The following ZBTB40 variants were observed in gnomAD, a reference collection of about 807,000 sequenced individuals.
ZBTB40 encodes zinc finger and BTB domain containing 40.
Under a neutral mutation model 117.5 loss-of-function variants are expected in ZBTB40, and 60 were observed. The observed-to-expected ratio is 0.51, with a 90% CI of 0.41 to 0.63. ZBTB40 has a LOEUF of 0.63. ZBTB40 is among the 30% of genes least tolerant of loss of function. The pLI, the probability that ZBTB40 is intolerant of heterozygous loss-of-function variation, is 0.00. For synonymous variants in ZBTB40, 525 were observed against 577.1 expected, an observed-to-expected ratio of 0.91 and a Z score of 1.29; for missense variants, 1,287 against 1,498.5, an observed-to-expected ratio of 0.86 and a Z score of 2.33.
chr1:22,486,195 G>C (rs1371885402), intron 1 of ZBTB40, among the ~76,000 whole-genome samples: 1 of 152,196 alleles, frequency 6.6e-6, no homozygotes, highest in Non-Finnish European at 1.5e-5. Flanking sequence ...TTAGTGATGT[G>C]GTAGTAGGGT....
At chr1:22,433,451 A>AAAAAAAAAAAAAAAAAAAAAAAAC (rs1640627274) in intron 1 of ZBTB40, among the ~76,000 whole-genome samples, 1 of 99,816 alleles carries the variant, frequency 1.0e-5, no homozygotes, top group Non-Finnish European at 1.9e-5. Flanking sequence ...AAAAAAAAAA[A>AAAAAAAAAAAAAAAAAAAAAAAAC]AAAAAAGACA....
chr1:22,450,190 C>T (rs1163977057), upstream of ZBTB40, among the ~76,000 whole-genome samples: 1 of 152,212 alleles, frequency 6.6e-6, no homozygotes, highest in Non-Finnish European at 1.5e-5. Flanking sequence ...GGTGATCCGC[C>T]TGCCTCGGCC....
Position 22,511,291 on chromosome 1 carries a change from G to A in ZBTB40, c.1946G>A (p.Ser649Asn). The A allele has an allele frequency of 2.5e-6, 4 of 1,614,098 alleles. No individual in the cohort carries two copies. Among genetic ancestry groups the A allele is most frequent in the Non-Finnish European group, 1.7e-6 (2 of 1,180,036 alleles). Reference protein sequence around the residue: ...PAIEICHLLCSVHKSFPGLQP... With the variant: ...PAIEICHLLCNVHKSFPGLQP... ...ATTGAAATATGCCACCTCCTGTGCA[G>A]TGTCCACAAATCTTTTCCAGGCCTG... Residue 649 changes from serine to asparagine, a missense_variant, in exon 10 of 18, where the codon AGT becomes AAT. By Grantham distance (46) the Ser-to-Asn change is conservative. Around this residue, in one of 2 missense-constraint regions of ZBTB40, gnomAD observed 870 missense variants for 934.4 expected, o/e 0.93. Transcript: ENST00000375647.
rs532918051 is a variant in ZBTB40 at position 22,461,532 on chromosome 1, TAGAG to T, written c.-70+9532_-70+9535del. ...CATACTCCCTGGTGATGGAGGGAAA[TAGAG>T]AGATGAAAATAATTCCCACTTCTTC... On this transcript the variant is annotated intron_variant, in intron 1 of 17. Transcript: ENST00000375647. 3.3e-5 allele frequency among the ~76,000 whole-genome samples: 5 copies of T among 152,170 alleles called. No individual in the cohort carries two copies. In the East Asian group the frequency reaches 5.8e-4, roughly 18 times the overall value.
At chr1:22,502,248 T>G (rs749934189) in intron 4 of ZBTB40, 51 bp from the exon 5 acceptor site, 4 of 1,585,664 alleles carry the variant, frequency 2.5e-6, no homozygotes, top group African/African-American at 1.3e-5. Flanking sequence ...GCTGTCATTT[T>G]CTTCAAATTG....
rs1639487811 is a variant in ZBTB40, at chr1:22,520,286, G to A, written c.3048+11G>A. 6.2e-7 allele frequency: 1 copy of A among 1,606,790 alleles called. No individual in the cohort carries two copies. On this transcript the variant is annotated intron_variant, in intron 14 of 17. Transcript: ENST00000375647. ...AACAAGGCCTACCAGGTGACCTCAG[G>A]TGCCACTGGGAGCTCTTCCCCTCAC... is the stretch of plus-strand genomic sequence containing the variant.
At chr1:22,487,449 C>T (rs1638501206) in intron 1 of ZBTB40, among the ~76,000 whole-genome samples, 1 of 152,078 alleles carries the variant, frequency 6.6e-6, no homozygotes, top group African/African-American at 2.4e-5. Flanking sequence ...TCCTCAAACC[C>T]AAAACTGAAC....
chr1:22,500,628 G>A (rs1364043525), intron 3 of ZBTB40, among the ~76,000 whole-genome samples: 1 of 152,188 alleles, frequency 6.6e-6, no homozygotes, highest in African/African-American at 2.4e-5. Context: ...TTGTGATACA[G>A]AGGCACTGCC....
chr1:22,478,505 C>G (rs1448999024), intron 1 of ZBTB40, among the ~76,000 whole-genome samples: 1 of 152,074 alleles, frequency 6.6e-6, no homozygotes, highest in African/African-American at 2.4e-5. Flanking sequence ...CCTCGGCCTC[C>G]CAAAGTGCTG....
At chr1:22,495,754 C>T (rs1403310129) in intron 3 of ZBTB40, among the ~76,000 whole-genome samples, 1 of 152,106 alleles carries the variant, frequency 6.6e-6, no homozygotes, top group East Asian at 1.9e-4. Flanking sequence ...TCAGGTGATC[C>T]ATCCACCCGC....
rs1319047043 is a variant in ZBTB40 at position 22,452,888 on chromosome 1, C to G, written c.-70+884C>G. 3.3e-5 allele frequency: 5 copies of G among 152,274 alleles called. No homozygotes were observed. The South Asian group carries it at 1.0e-3, about 32-fold the overall frequency. The allele number at this position is 152,274 out of a possible 1,614,324, so 9.4% of individuals were successfully genotyped here. ...ACCATGCAGCCAGTGCTGCAATGAA[C>G]CAGGTGCTTTATTTATATTCATACA... On this transcript the variant is annotated intron_variant, in intron 1 of 17. Coordinates refer to ENST00000375647, the MANE Select transcript of ZBTB40 (RefSeq NM_014870.4).
intron 1 of ZBTB40, among the ~76,000 whole-genome samples, chr1:22,481,924 AATTTAAATATTT>A (rs1445187297): frequency 6.6e-6 from 1 of 150,968 alleles, no homozygotes; most frequent in African/African-American, 2.4e-5. Context: ...CTCAAATATT[AATTTAAATATTT>A]ATTTAAATAT....
chr1:22,437,663 G>T (rs1023237174), intron 1 of ZBTB40, among the ~76,000 whole-genome samples: 30 of 151,560 alleles, frequency 2.0e-4, no homozygotes, highest in African/African-American at 6.8e-4. Flanking sequence ...CAGGTGATTT[G>T]CCCCTCTCAG....
At chr1:22,474,430 C>G (rs571662864) in intron 1 of ZBTB40, among the ~76,000 whole-genome samples, 1 of 152,328 alleles carries the variant, frequency 6.6e-6, no homozygotes, top group East Asian at 1.9e-4. Context: ...CTTGAGAAAT[C>G]TGGGCCTACT....
At chr1:22,491,652 T>C in intron 3 of ZBTB40, 119 bp downstream of exon 3, 1 of 1,250,604 alleles carries the variant, frequency 8.0e-7, no homozygotes, top group Admixed American at 2.3e-5. Context: ...TTTAATTTTT[T>C]TTTTTTTTTG....
intron 3 of ZBTB40, among the ~76,000 whole-genome samples, chr1:22,492,898 A>G (rs1179264208): frequency 1.3e-5 from 2 of 152,146 alleles, no homozygotes; most frequent in South Asian, 4.1e-4. Context: ...CATTTTTGTC[A>G]TTAGTTTGTT....
chr1:22,431,257 TG>T (rs1393971198), intron 1 of ZBTB40, among the ~76,000 whole-genome samples: 3 of 147,482 alleles, frequency 2.0e-5, no homozygotes, highest in Non-Finnish European at 4.5e-5. Flanking sequence ...TATACAATAT[TG>T]TATATATTGA....
chr1:22,493,037 C>A (rs1035409664), intron 3 of ZBTB40, among the ~76,000 whole-genome samples: 2 of 152,164 alleles, frequency 1.3e-5, no homozygotes, highest in African/African-American at 4.8e-5. Context: ...CACCTTTATA[C>A]TTAGTTGAAC....
chr1:22,500,195 A>G (rs1489923533), intron 3 of ZBTB40, among the ~76,000 whole-genome samples: 1 of 152,196 alleles, frequency 6.6e-6, no homozygotes, highest in Non-Finnish European at 1.5e-5. Context: ...TGCGTGAGAG[A>G]TGTTCTGTCA....
Sources: gnomAD v4.1 joint callset for allele counts (sites outside exome capture counted in the v4.1 genomes callset) on GRCh38, gnomAD v4.1.1 for gene constraint, gnomAD v4.1.1 regional missense constraint, MANE v1.5 for transcripts, NCBI Gene and HGNC (gene_info 2026-07-23, HGNC 2026-07-21) for gene names.